The following RNF10 variants were observed in gnomAD, a reference collection of about 807,000 sequenced individuals.
The protein encoded by RNF10 is E3 ubiquitin-protein ligase RNF10.
In RNF10, 38 loss-of-function variants were observed where a neutral mutation model predicts 91.4. The ratio of observed to expected loss-of-function variants is 0.42; its 90% confidence interval spans 0.32 to 0.54. The LOEUF (loss-of-function observed/expected upper bound fraction) is 0.54. Among genes scored for constraint, RNF10 ranks in the 20% least tolerant of loss-of-function variants. RNF10 has a pLI of 0.16. For missense variants in RNF10, 945 were observed against 1,012.0 expected (o/e 0.93, Z 0.90); for synonymous variants, 364 against 366.3 (o/e 0.99, Z 0.07).
chr12:120,570,738 T>C (rs1034263120), intron 13 of RNF10, among the ~76,000 whole-genome samples: 3 of 152,326 alleles, frequency 2.0e-5, no homozygotes, highest in South Asian at 4.1e-4. Flanking sequence ...TTGATGTGTC[T>C]TGGATTCTAA....
intron 1 of RNF10, among the ~76,000 whole-genome samples, chr12:120,536,656 A>T (rs919342103): frequency 6.6e-6 from 1 of 152,212 alleles, no homozygotes; most frequent in Non-Finnish European, 1.5e-5. Context: ...AAAAGATAGA[A>T]GGTAACCAGT....
chr12:120,547,554 A>G (rs1872511307), intron 2 of RNF10, among the ~76,000 whole-genome samples: 1 of 152,168 alleles, frequency 6.6e-6, no homozygotes, highest in African/African-American at 2.4e-5. Flanking sequence ...TTGGCCTCCC[A>G]AAGTGCTGGG....
chr12:120,556,064 C>T (rs1321117779), intron 4 of RNF10, among the ~76,000 whole-genome samples: 6 of 151,912 alleles, frequency 3.9e-5, no homozygotes, highest in Non-Finnish European at 7.4e-5. Flanking sequence ...GTTGGGATTA[C>T]AGGCGTGAGC....
chr12:120,569,188 C>T (rs1876221415), intron 13 of RNF10, among the ~76,000 whole-genome samples: 1 of 152,092 alleles, frequency 6.6e-6, no homozygotes, highest in African/African-American at 2.4e-5. Context: ...AGGCTAGTCT[C>T]AAACTCCTGA....
chr12:120,567,041 T>C (rs894666241), intron 13 of RNF10, 61 bp downstream of exon 13: 7 of 1,538,416 alleles, frequency 4.6e-6, no homozygotes, highest in Non-Finnish European at 6.2e-6. Context: ...AGCTTTGGTG[T>C]CTGAGTTTAC....
rs1359901408 is a variant in RNF10 at position 120,566,967 on chromosome 12, A to G, written c.2028A>G (p.Pro676=). Reference sequence around the variant, plus strand: ...CCATTTCTCCTCTCAGCAGAAGTCCAGGTTCCCATGCAGGTAAACAGGTGA... The same window carrying G: ...CCATTTCTCCTCTCAGCAGAAGTCCGGGTTCCCATGCAGGTAAACAGGTGA... ...ALSISPLSRS[P]GSHADFLLTP... is the part of the protein sequence containing the mutation. Residue 676 remains proline (P), a synonymous_variant, in exon 13 of 17, where the codon CCA becomes CCG. Transcript: ENST00000325954. The G allele has an allele frequency of 1.2e-6, 2 of 1,603,306 alleles. No individual in the cohort carries two copies. Among genetic ancestry groups the G allele is most frequent in the Non-Finnish European group, 1.7e-6 (2 of 1,177,416 alleles).
At chr12:120,551,290 G>GTTTTTTTTTTTTTTTT (rs63002361) in intron 2 of RNF10, among the ~76,000 whole-genome samples, 1 of 83,220 alleles carries the variant, frequency 1.2e-5, no homozygotes, top group Non-Finnish European at 2.2e-5. Flanking sequence ...CCATCCTAGT[G>GTTTTTTTTTTTTTTTT]TTTTTTTTTT....
At chr12:120,552,399 CA>C (rs112757664) in intron 2 of RNF10, 99 bp from the exon 3 acceptor site, 6,324 of 799,164 alleles carry the variant, frequency 7.9e-3, no homozygotes, top group Non-Finnish European at 8.8e-3. Flanking sequence ...GACTCCGTCT[CA>C]AAAAAAAAAG....
chr12:120,568,701 C>G (rs1169248256), intron 13 of RNF10, among the ~76,000 whole-genome samples: 1 of 151,930 alleles, frequency 6.6e-6, no homozygotes, highest in African/African-American at 2.4e-5. Context: ...GTCTCGAACT[C>G]CTGGCCTCAA....
At position 120,568,946 on chromosome 12, in the gene RNF10, C is replaced by T. The variant is rs561570637; in HGVS notation, c.2041+1966C>T. ...CAAGAAAGATACTTTTTGATGCTTA[C>T]GTCTGATTTCTCAGGCATTCTTGTT... On this transcript the variant is annotated intron_variant, in intron 13 of 16. Coordinates refer to ENST00000325954, the MANE Select transcript of RNF10 (RefSeq NM_014868.5). Among the ~76,000 whole-genome samples, 4 of 151,938 alleles carry T rather than the reference C, an allele frequency of 2.6e-5. No individual in the cohort carries two copies. The East Asian group carries it at 5.8e-4, about 22-fold the overall frequency.
At chr12:120,544,477 G>A (rs1227198911) in intron 1 of RNF10, among the ~76,000 whole-genome samples, 1 of 152,028 alleles carries the variant, frequency 6.6e-6, no homozygotes, top group Non-Finnish European at 1.5e-5. Context: ...GGCAACAAAG[G>A]CAAACCTCGT....
chr12:120,544,228 C>T lies in RNF10; in HGVS notation c.158-2177C>T, dbSNP rs544564979. 4.7e-5 allele frequency among the ~76,000 whole-genome samples: 7 copies of T among 149,044 alleles called. No individual in the cohort carries two copies. The South Asian group carries it at 1.5e-3, about 32-fold the overall frequency. On this transcript the variant is annotated intron_variant, in intron 1 of 16. Coordinates refer to ENST00000325954, the MANE Select transcript of RNF10 (RefSeq NM_014868.5). ...GGCAATAGAGTGAGACTGTTAAAAA[C>T]AAAAAAAAGATAAACCAGGCATGGT...
intron 6 of RNF10, among the ~76,000 whole-genome samples, 175 bp from the exon 7 acceptor site, chr12:120,560,549 CAA>C (rs1874699191): frequency 6.6e-6 from 1 of 152,150 alleles, no homozygotes; most frequent in South Asian, 2.1e-4. Context: ...TTTCTTATAT[CAA>C]GAGCAGAGCT....
At chr12:120,545,063 T>G (rs1706706685) in intron 1 of RNF10, among the ~76,000 whole-genome samples, 1 of 152,214 alleles carries the variant, frequency 6.6e-6, no homozygotes, top group Admixed American at 6.5e-5. Flanking sequence ...AAAATGGAGA[T>G]TAAAAGGAAA....
chr12:120,552,542 C>T lies in RNF10; in HGVS notation c.398C>T (p.Ser133Phe), dbSNP rs897419117. The T allele has an allele frequency of 1.1e-5, 17 of 1,614,100 alleles. No homozygotes were observed. The highest frequency in any genetic ancestry group is 1.4e-5 in the Non-Finnish European group (16 of 1,180,038). ...QRAEFSPAQF[S>F]GPKKINLNHL... is the part of the protein sequence containing the mutation. ...GCAGAGTTTAGCCCTGCCCAGTTCTCTGGTCCTAAGAAGATCAACCTGAAC... is the reference window on the plus strand; with the variant it reads ...GCAGAGTTTAGCCCTGCCCAGTTCTTTGGTCCTAAGAAGATCAACCTGAAC... The change falls in exon 3 of 17, where the codon TCT (serine) becomes TTT (phenylalanine). Residue 133 changes from serine (S) to phenylalanine (F), a missense_variant. Coordinates refer to ENST00000325954, the MANE Select transcript of RNF10 (RefSeq NM_014868.5).
chr12:120,540,969 C>T (rs1479187844), intron 1 of RNF10, among the ~76,000 whole-genome samples: 1 of 152,030 alleles, frequency 6.6e-6, no homozygotes, highest in Admixed American at 6.6e-5. Flanking sequence ...TATTCTCCTG[C>T]CTCAGCCCCC....
At position 120,577,345 on chromosome 12, in the gene RNF10, C is replaced by G; in HGVS notation, c.*679C>G. Reference sequence around the variant, plus strand: ...CACGAAGCCCTGAGACCTGCTACCCCTAAGATCGAGCTTGTTTTCAGTGAC... The same window carrying G: ...CACGAAGCCCTGAGACCTGCTACCCGTAAGATCGAGCTTGTTTTCAGTGAC... On this transcript the variant is annotated 3_prime_UTR_variant, in exon 17 of 17. Transcript: ENST00000325954. 2.8e-6 allele frequency: 1 copy of G among 355,022 alleles called. No individual in the cohort carries two copies. Among genetic ancestry groups the G allele is most frequent in the East Asian group, 8.8e-5 (1 of 11,418 alleles). 22.0% of individuals were successfully genotyped at this position (355,022 alleles called of 1,614,324 possible).
intron 4 of RNF10, among the ~76,000 whole-genome samples, chr12:120,556,567 C>T (rs1247401263): frequency 3.0e-5 from 4 of 134,802 alleles, no homozygotes; most frequent in Non-Finnish European, 6.3e-5. Flanking sequence ...AGCTTGAACT[C>T]TCACTACTGT....
At chr12:120,536,169 C>G (rs142141596) in intron 1 of RNF10, among the ~76,000 whole-genome samples, 260 of 152,118 alleles carry the variant, frequency 1.7e-3, no homozygotes, top group African/African-American at 5.9e-3. Flanking sequence ...TGCCTGTAAT[C>G]CGAACACTTT....
Sources: allele counts gnomAD v4.1 joint callset (sites outside exome capture counted in the v4.1 genomes callset), GRCh38; gene constraint gnomAD v4.1.1; transcripts MANE v1.5; gene names NCBI Gene and HGNC (gene_info 2026-07-23, HGNC 2026-07-21).